The following KIF13A variants were observed in gnomAD, a reference collection of about 807,000 sequenced individuals.
KIF13A encodes the protein kinesin family member 13A, also known as kinesin-like protein KIF13A.
Under a neutral mutation model 212.2 loss-of-function variants are expected in KIF13A, and 79 were observed. The observed-to-expected ratio is 0.37, with a 90% CI of 0.31 to 0.45. The LOEUF (loss-of-function observed/expected upper bound fraction) is 0.45. KIF13A is among the 20% of genes least tolerant of loss of function. KIF13A has a pLI of 1.00. For missense variants in KIF13A, 1,901 were observed against 2,209.0 expected, an observed-to-expected ratio of 0.86 and a Z score of 2.79; for synonymous variants, 789 against 808.6, an observed-to-expected ratio of 0.98 and a Z score of 0.41.
At chr6:17,944,569 C>T (rs930749004) in intron 2 of KIF13A, among the ~76,000 whole-genome samples, 3 of 152,152 alleles carry the variant, frequency 2.0e-5, no homozygotes, top group Non-Finnish European at 2.9e-5. Context: ...TCTTGTCCCA[C>T]TCCTCCCCAA....
rs917252776 is a variant in KIF13A at position 17,774,935 on chromosome 6, A to G, written c.4218+80T>C. ...ACAGGATCAACCAGGTGAGGCCCAGAGATTTTAAAAACACCAAGATCCCAC... is the reference window on the plus strand; with the variant it reads ...ACAGGATCAACCAGGTGAGGCCCAGGGATTTTAAAAACACCAAGATCCCAC... On this transcript the variant is annotated intron_variant, in intron 35 of 38. Transcript: ENST00000259711. 9.2e-6 allele frequency: 10 copies of G among 1,088,812 alleles called. No homozygotes were observed. In the African/African-American group the frequency reaches 1.6e-4, roughly 17 times the overall value. The allele number at this position is 1,088,812 out of a possible 1,614,324, so 67.4% of individuals were successfully genotyped here.
intron 9 of KIF13A, among the ~76,000 whole-genome samples, chr6:17,844,502 A>G (rs1766832624): frequency 6.6e-6 from 1 of 152,202 alleles, no homozygotes; most frequent in South Asian, 2.1e-4. Flanking sequence ...TTACTGCAGG[A>G]CGTCTCCGAG....
At chr6:17,978,009 A>G (rs1354316611) in intron 2 of KIF13A, among the ~76,000 whole-genome samples, 1 of 152,270 alleles carries the variant, frequency 6.6e-6, no homozygotes, top group Admixed American at 6.5e-5. Context: ...CACTGCAAGC[A>G]TAATTTGATA....
chr6:17,788,491 T>C (rs1241055695), intron 26 of KIF13A, among the ~76,000 whole-genome samples: 2 of 152,168 alleles, frequency 1.3e-5, no homozygotes, highest in Admixed American at 6.5e-5. Flanking sequence ...CTGTGAAAAA[T>C]GTGCCAGGAA....
rs1242469259 is a variant in KIF13A, at chr6:17,829,465, T to C, written c.1402-1095A>G. ...CACTTTTAGAACTGCTTGCTTACAC[T>C]GCAAAGTGAGAAATAGGACATCTGA... On this transcript the variant is annotated intron_variant, in intron 13 of 38. Transcript: ENST00000259711. This position sits in a 1 kb window ranked among gnomAD's most constrained non-coding sequence, Gnocchi z 5.4. 6.6e-6 allele frequency among the ~76,000 whole-genome samples: 1 copy of C among 152,148 alleles called. No homozygotes were observed. The highest frequency in any genetic ancestry group is 6.5e-5 in the Admixed American group (1 of 15,274).
chr6:17,941,631 A>G (rs973836357), intron 2 of KIF13A, among the ~76,000 whole-genome samples: 6 of 152,012 alleles, frequency 3.9e-5, no homozygotes, highest in African/African-American at 1.4e-4. Context: ...CCAAGGAGAG[A>G]AGTCTCAGAG....
Position 17,772,045 on chromosome 6 carries a change from T to C in KIF13A, c.4339A>G (p.Thr1447Ala). The C allele has an allele frequency of 6.2e-7, 1 of 1,613,206 alleles. No individual in the cohort carries two copies. The highest frequency in any genetic ancestry group is 8.5e-7 in the Non-Finnish European group (1 of 1,179,626). The change falls in exon 37 of 39, where the codon ACT becomes GCT. Residue 1447 changes from threonine to alanine, a missense_variant. This residue lies in a region of KIF13A where 687 missense variants were observed against 759.1 expected (regional missense o/e 0.90). Transcript: ENST00000259711. The surrounding 1 kb of genome is among the most constrained non-coding windows in gnomAD (Gnocchi z 4.8). ...RRNKEGCTSE[T>A]PHALTVSPFK... The stretch of plus-strand genomic sequence containing the variant: ...GGGCTGACGGTTAAGGCATGAGGAG[T>C]CTCTGATGTACAACCTAGGGAAGAT...
intron 2 of KIF13A, among the ~76,000 whole-genome samples, chr6:17,942,411 C>G (rs980059088): frequency 2.0e-5 from 3 of 151,650 alleles, no homozygotes; most frequent in Admixed American, 6.6e-5. Context: ...CTGAAGCCTG[C>G]CTAGGTTTAA....
intron 23 of KIF13A, among the ~76,000 whole-genome samples, chr6:17,795,778 T>C (rs1761979451): frequency 1.3e-5 from 2 of 152,320 alleles, no homozygotes; most frequent in Admixed American, 6.5e-5. Context: ...TAGTGGTCTT[T>C]TGATGAGCAC....
intron 2 of KIF13A, among the ~76,000 whole-genome samples, chr6:17,930,908 C>A (rs1372831177): frequency 1.3e-5 from 2 of 152,188 alleles, no homozygotes; most frequent in African/African-American, 4.8e-5. Flanking sequence ...TAGACTCAGG[C>A]TTAAAAATTG....
intron 4 of KIF13A, among the ~76,000 whole-genome samples, chr6:17,867,243 A>T (rs1357968229): frequency 6.6e-6 from 1 of 152,238 alleles, no homozygotes; most frequent in Non-Finnish European, 1.5e-5. Context: ...GAACAACTTG[A>T]TAAAGGTGAG....
In KIF13A at chr6:17,764,256, G is replaced by C; in HGVS notation, c.5272C>G (p.Leu1758Val). 6.2e-7 allele frequency: 1 copy of C among 1,614,018 alleles called. No homozygotes were observed. Among genetic ancestry groups the C allele is most frequent in the Non-Finnish European group, 8.5e-7 (1 of 1,179,882 alleles). ...DGLTDSSAGE[L>V]SSRRSLPNKT... ...TTTGGTAGACTCCTCCTACTGGAAA[G>C]CTCTCCAGCAGAAGAATCTGTCAAA... Residue 1758 changes from leucine (L) to valine (V), a missense_variant, in exon 39 of 39, where the codon CTT becomes GTT. Leu to Val is a conservative substitution (Grantham distance 32). Around this residue, in one of 5 missense-constraint regions of KIF13A, gnomAD observed 687 missense variants for 759.1 expected, o/e 0.90. Coordinates refer to ENST00000259711, the MANE Select transcript of KIF13A (RefSeq NM_022113.6). This position sits in a 1 kb window ranked among gnomAD's most constrained non-coding sequence, Gnocchi z 5.1.
At chr6:17,889,838 A>T (rs1305062569) in intron 3 of KIF13A, among the ~76,000 whole-genome samples, 1 of 152,116 alleles carries the variant, frequency 6.6e-6, no homozygotes, top group East Asian at 1.9e-4. Flanking sequence ...GAATAAAAAG[A>T]TTTAAATCAT....
chr6:17,852,968 C>A (rs1465461538), intron 6 of KIF13A, among the ~76,000 whole-genome samples: 1 of 152,124 alleles, frequency 6.6e-6, no homozygotes, highest in Non-Finnish European at 1.5e-5. Context: ...TATCAAAAGA[C>A]AATGGAGATT....
rs1239035774 is a variant in KIF13A at position 17,849,597 on chromosome 6, G to A, written c.718-108C>T. 4.6e-6 allele frequency: 3 copies of A among 656,520 alleles called. No individual in the cohort carries two copies. Among genetic ancestry groups the A allele is most frequent in the Non-Finnish European group, 7.6e-6 (3 of 397,316 alleles). The allele number at this position is 656,520 out of a possible 1,614,324, so 40.7% of individuals were successfully genotyped here. A position where few individuals can be genotyped will look rare whatever the true frequency, so the allele number is the denominator to read the frequency against. On this transcript the variant is annotated intron_variant, in intron 8 of 38. Transcript: ENST00000259711. This position sits in a 1 kb window ranked among gnomAD's most constrained non-coding sequence, Gnocchi z 5.7. ...TGAGCAATCCATCCCACTCTCATAT[G>A]GCAAATTTCTTAAGTTTTTAAACGG...
chr6:17,898,078 A>C lies in KIF13A; in HGVS notation c.159+90T>G, dbSNP rs1387552741. On this transcript the variant is annotated intron_variant, in intron 3 of 38. Coordinates refer to ENST00000259711, the MANE Select transcript of KIF13A (RefSeq NM_022113.6). The surrounding 1 kb of genome is among the most constrained non-coding windows in gnomAD (Gnocchi z 5.2). Reference sequence around the variant, plus strand: ...AGGATGCTGTTTTCAGTTCTCAATGAGACAGATGTTCTACATGGGTTACAG... The same window carrying C: ...AGGATGCTGTTTTCAGTTCTCAATGCGACAGATGTTCTACATGGGTTACAG... The C allele has an allele frequency of 1.7e-6, 2 of 1,205,356 alleles. No homozygotes were observed. Among genetic ancestry groups the C allele is most frequent in the Non-Finnish European group, 2.4e-6 (2 of 833,050 alleles). 74.7% of individuals were successfully genotyped at this position (1,205,356 alleles called of 1,614,324 possible). A position where few individuals can be genotyped will look rare whatever the true frequency, so the allele number is the denominator to read the frequency against.
intron 2 of KIF13A, among the ~76,000 whole-genome samples, chr6:17,903,580 T>C (rs762052894): frequency 6.6e-6 from 1 of 151,990 alleles, no homozygotes; most frequent in African/African-American, 2.4e-5. Context: ...CTTTAAGAGG[T>C]ACAAACAAAA....
intron 3 of KIF13A, among the ~76,000 whole-genome samples, chr6:17,894,544 G>A (rs923683040): frequency 2.0e-5 from 3 of 151,518 alleles, no homozygotes; most frequent in South Asian, 2.1e-4. Context: ...AAAAAACTTC[G>A]GCAGATAGTA....
At position 17,898,126 on chromosome 6, in the gene KIF13A, C is replaced by A. The variant is rs377531641; in HGVS notation, c.159+42G>T. The A allele has an allele frequency of 1.2e-5, 20 of 1,600,200 alleles. No homozygotes were observed. Among genetic ancestry groups the A allele is most frequent in the Non-Finnish European group, 1.3e-5 (15 of 1,169,802 alleles). On this transcript the variant is annotated intron_variant, in intron 3 of 38. Transcript: ENST00000259711. The surrounding 1 kb of genome is among the most constrained non-coding windows in gnomAD (Gnocchi z 5.2). ...CAGTGATAAATCCTGGATTTTTGCA[C>A]ACTAAGCCAGTATACATGCCAAATT...
Sources: allele counts gnomAD v4.1 joint callset (sites outside exome capture counted in the v4.1 genomes callset), GRCh38; gene constraint gnomAD v4.1.1; regional missense constraint gnomAD v4.1.1; non-coding constraint Gnocchi (gnomAD v3.1); transcripts MANE v1.5; gene names NCBI Gene and HGNC (gene_info 2026-07-23, HGNC 2026-07-21).